Variants in SCPEP1 observed in about 807,000 individuals in gnomAD.
SCPEP1 encodes serine carboxypeptidase 1, also known as retinoid-inducible serine carboxypeptidase.
SCPEP1 carries 51 observed loss-of-function variants against 63.8 expected under a neutral mutation model. The observed-to-expected ratio is 0.80, with a 90% confidence interval of 0.64 to 1.01. The LOEUF (loss-of-function observed/expected upper bound fraction) is 1.01, where lower values mean the gene tolerates loss of function less well. Among genes scored for constraint, SCPEP1 ranks in the 50% least tolerant of loss-of-function variants. The pLI is 0.00. For missense variants in SCPEP1, 499 were observed against 554.9 expected, an observed-to-expected ratio of 0.90 and a Z score of 1.01; for synonymous variants, 204 against 207.8, an observed-to-expected ratio of 0.98 and a Z score of 0.16.
At chr17:57,001,769 C>T (rs2144508907) in intron 11 of SCPEP1, among the ~76,000 whole-genome samples, 1 of 152,290 alleles carries the variant, frequency 6.6e-6, no homozygotes, top group South Asian at 2.1e-4. Context: ...GTGAGAGATG[C>T]AGAGGCAAAA....
intron 1 of SCPEP1, among the ~76,000 whole-genome samples, chr17:56,979,825 C>T (rs1598111637): frequency 6.6e-6 from 1 of 151,964 alleles, no homozygotes; most frequent in Non-Finnish European, 1.5e-5. Flanking sequence ...TCTGTTCTCA[C>T]CTCCATCATT....
At chr17:56,993,078 CT>C in intron 6 of SCPEP1, among the ~76,000 whole-genome samples, 1 of 152,154 alleles carries the variant, frequency 6.6e-6, no homozygotes, top group East Asian at 1.9e-4. Context: ...AGATACTGTT[CT>C]AGGTGCTAGG....
At chr17:56,998,109 G>A (rs1305881522) in intron 9 of SCPEP1, 6 of 324,992 alleles carry the variant, frequency 1.8e-5, no homozygotes, top group Non-Finnish European at 3.0e-5. Context: ...ACAAGAGATC[G>A]AGACCATCCT....
intron 1 of SCPEP1, among the ~76,000 whole-genome samples, chr17:56,979,571 C>T (rs1911011580): frequency 6.6e-6 from 1 of 151,860 alleles, no homozygotes; most frequent in Non-Finnish European, 1.5e-5. Flanking sequence ...TGTATTTAGC[C>T]TACTCTTTTC....
At chr17:56,981,300 T>C in intron 2 of SCPEP1, 70 bp downstream of exon 2, 4 of 1,571,148 alleles carry the variant, frequency 2.5e-6, no homozygotes, top group South Asian at 1.1e-5. Flanking sequence ...TGCTTGCTTT[T>C]TGGGCTGATG....
At chr17:56,988,162 T>C (rs554039555) in intron 4 of SCPEP1, 54 bp from the exon 5 acceptor site, 18 of 1,361,146 alleles carry the variant, frequency 1.3e-5, no homozygotes, top group Non-Finnish European at 1.5e-5. Context: ...TTAATTTGTG[T>C]GACTCAAAAA....
In SCPEP1 at chr17:56,998,637, T is replaced by C. The variant is rs1164652332; in HGVS notation, c.994+139T>C. 6.1e-6 allele frequency: 4 copies of C among 657,732 alleles called. No individual in the cohort carries two copies. In the African/African-American group the frequency reaches 7.2e-5, roughly 12 times the overall value. The allele number at this position is 657,732 out of a possible 1,614,324, so 40.7% of individuals were successfully genotyped here. A position where few individuals can be genotyped will look rare whatever the true frequency, so the allele number is the denominator to read the frequency against. ...AGGTAAACAATATTACTATCCACGT[T>C]TTGTAGGTGAGCAAATAGATACAGA... On this transcript the variant is annotated intron_variant, in intron 10 of 12. Transcript: ENST00000262288.
At chr17:56,994,664 C>A (rs1432215913) in intron 6 of SCPEP1, among the ~76,000 whole-genome samples, 1 of 152,222 alleles carries the variant, frequency 6.6e-6, no homozygotes, top group Non-Finnish European at 1.5e-5. Context: ...AGAGCCTCCA[C>A]CTGCATACCT....
At chr17:56,980,250 G>T (rs1445823640) in intron 1 of SCPEP1, among the ~76,000 whole-genome samples, 5 of 152,110 alleles carry the variant, frequency 3.3e-5, no homozygotes, top group East Asian at 1.9e-4. Context: ...GAGTAGCTGG[G>T]ACCACAGGCA....
intron 10 of SCPEP1, among the ~76,000 whole-genome samples, chr17:56,999,386 T>C (rs539050957): frequency 6.6e-6 from 1 of 152,310 alleles, no homozygotes; most frequent in South Asian, 2.1e-4. Flanking sequence ...GTTAAGTTCC[T>C]ACTTTAGTCC....
chr17:56,998,295 G>C, intron 9 of SCPEP1, 90 bp from the exon 10 acceptor site: 2 of 835,250 alleles, frequency 2.4e-6, no homozygotes, highest in African/African-American at 1.7e-5. Context: ...TGGAGACAGA[G>C]AGAGATTCTG....
At chr17:57,000,322 G>T (rs1911702038) in intron 10 of SCPEP1, among the ~76,000 whole-genome samples, 1 of 152,160 alleles carries the variant, frequency 6.6e-6, no homozygotes, top group Admixed American at 6.5e-5. Flanking sequence ...GGATAATGCT[G>T]ATGGGCAGGA....
In SCPEP1 at chr17:56,985,680, G is replaced by A. The variant is rs542378224; in HGVS notation, c.315+213G>A. Among the ~76,000 whole-genome samples, 8 of 152,072 alleles carry A rather than the reference G, an allele frequency of 5.3e-5. No individual in the cohort carries two copies. The South Asian group carries it at 1.5e-3, about 28-fold the overall frequency. On this transcript the variant is annotated intron_variant, in intron 3 of 12. Coordinates refer to ENST00000262288, the MANE Select transcript of SCPEP1 (RefSeq NM_021626.3). ...AGCTTATCTTGCACCAGTCTGCCTC[G>A]CCTTCTCCAAAACAACCCCTCTCTC...
chr17:57,004,882 A>G (rs1911839073), intron 12 of SCPEP1, among the ~76,000 whole-genome samples: 1 of 152,208 alleles, frequency 6.6e-6, no homozygotes, highest in Non-Finnish European at 1.5e-5. Context: ...TCTTGCATGT[A>G]GTCACACATA....
At chr17:57,000,108 C>T (rs1911695092) in intron 10 of SCPEP1, among the ~76,000 whole-genome samples, 1 of 151,900 alleles carries the variant, frequency 6.6e-6, no homozygotes, top group South Asian at 2.1e-4. Context: ...TGAGATTGTG[C>T]CCCCGCTCTC....
intron 6 of SCPEP1, among the ~76,000 whole-genome samples, chr17:56,992,485 T>A (rs1051605569): frequency 5.3e-5 from 8 of 152,162 alleles, no homozygotes; most frequent in African/African-American, 1.9e-4. Context: ...CTCCATCAGG[T>A]CTTGCAACCC....
At chr17:56,979,241 A>C (rs1344993419) in intron 1 of SCPEP1, among the ~76,000 whole-genome samples, 1 of 152,134 alleles carries the variant, frequency 6.6e-6, no homozygotes, top group Non-Finnish European at 1.5e-5. Flanking sequence ...TTCCTACTTC[A>C]GCATCCCAAG....
At chr17:56,997,136 C>CT in intron 9 of SCPEP1, 81 bp downstream of exon 9, 1 of 732,706 alleles carries the variant, frequency 1.4e-6, no homozygotes, top group Non-Finnish European at 2.2e-6. Context: ...AAAAAAAAAA[C>CT]TTTATTAACA....
chr17:57,002,737 G>A (rs1338961552), intron 12 of SCPEP1, among the ~76,000 whole-genome samples: 1 of 151,810 alleles, frequency 6.6e-6, no homozygotes, highest in Non-Finnish European at 1.5e-5. Flanking sequence ...CGGGCACGGT[G>A]GCGCATGCCT....
Sources: gnomAD v4.1 joint callset for allele counts (sites outside exome capture counted in the v4.1 genomes callset) on GRCh38, gnomAD v4.1.1 for gene constraint, MANE v1.5 for transcripts, NCBI Gene and HGNC (gene_info 2026-07-23, HGNC 2026-07-21) for gene names.